The following ELFN1 variants were observed in gnomAD, a reference collection of about 807,000 sequenced individuals.
The protein encoded by ELFN1 is extracellular leucine rich repeat and fibronectin type III domain containing 1.
In ELFN1, 6 loss-of-function variants were observed where a neutral mutation model predicts 7.6. That is an observed-to-expected ratio of 0.79 (90% CI 0.43 to 1.56). The LOEUF is 1.56. Among genes scored for constraint, ELFN1 ranks in the 40% most tolerant of loss-of-function variants. The pLI is 0.01. For missense variants in ELFN1, 1,169 were observed against 1,232.2 expected (o/e 0.95, Z 0.77); for synonymous variants, 657 against 588.1 (o/e 1.12, Z -1.70).
At chr7:1,741,013 C>T (rs1346202088) in intron 3 of ELFN1, among the ~76,000 whole-genome samples, 1 of 151,910 alleles carries the variant, frequency 6.6e-6, no homozygotes, top group Non-Finnish European at 1.5e-5. Flanking sequence ...GCCTATAATC[C>T]CAGCTACTTG....
chr7:1,671,958 T>G (rs62435468), intron 1 of ELFN1, among the ~76,000 whole-genome samples: 18,662 of 152,054 alleles, frequency 0.12, 1,171 homozygotes, highest in African/African-American at 0.14. Flanking sequence ...GGAGTTCTGA[T>G]CCCCACCCCT....
chr7:1,702,552 A>C (rs760466090), intron 2 of ELFN1, among the ~76,000 whole-genome samples: 4 of 151,268 alleles, frequency 2.6e-5, no homozygotes, highest in Non-Finnish European at 4.4e-5. Context: ...AAAAGAAAAA[A>C]AATGGATTGT....
chr7:1,667,134 C>A (rs1047871201), upstream of ELFN1, among the ~76,000 whole-genome samples: 2 of 151,876 alleles, frequency 1.3e-5, no homozygotes, highest in Non-Finnish European at 2.9e-5. The surrounding 1 kb of genome is among the most constrained non-coding windows in gnomAD (Gnocchi z 8.2). Flanking sequence ...TCGGCCCCCC[C>A]CCGAACTTTT....
rs752201025 is a variant in ELFN1 at position 1,745,673 on chromosome 7, G to C, written c.1077G>C (p.Leu359=). 9.0e-6 allele frequency: 14 copies of C among 1,551,330 alleles called. No individual in the cohort carries two copies. The South Asian group carries it at 1.7e-4, about 18-fold the overall frequency. ...GCAAGGCCTCCACCGTGTCCAGGCT[G>C]ACCAAGGCCCAGGAGGAGATCCGTC... ...NNSKASTVSR[L]TKAQEEIRLT... Residue 359 remains leucine (L), a synonymous_variant, in exon 4 of 4, where the codon CTG becomes CTC. Coordinates refer to ENST00000424383, the MANE Select transcript of ELFN1 (RefSeq NM_001128636.4).
chr7:1,685,270 T>G (rs889130532), intron 1 of ELFN1, among the ~76,000 whole-genome samples: 1 of 152,236 alleles, frequency 6.6e-6, no homozygotes. Context: ...TTGGCTATGA[T>G]GTGTCCAGGT....
chr7:1,698,357 C>G (rs567242359), intron 2 of ELFN1, among the ~76,000 whole-genome samples: 24 of 152,364 alleles, frequency 1.6e-4, no homozygotes, highest in African/African-American at 5.8e-4. Context: ...ACCCTCGGTG[C>G]TCCCTCTGAC....
In ELFN1 at chr7:1,744,348, C is replaced by T. The variant is rs1780714217; in HGVS notation, c.-249C>T. 6.2e-6 allele frequency: 3 copies of T among 485,252 alleles called. No homozygotes were observed. In the South Asian group the frequency reaches 1.1e-4, roughly 17 times the overall value. The allele number at this position is 485,252 out of a possible 1,614,324, so 30.1% of individuals were successfully genotyped here. On this transcript the variant is annotated 5_prime_UTR_variant, in exon 4 of 4. Coordinates refer to ENST00000424383, the MANE Select transcript of ELFN1 (RefSeq NM_001128636.4). ...GGAGTCAGTGGAGCCATCAGGACACCCAGGCCCATGGGGCAGGAGGCCTCG... is the reference window on the plus strand; with the variant it reads ...GGAGTCAGTGGAGCCATCAGGACACTCAGGCCCATGGGGCAGGAGGCCTCG...
At chr7:1,726,607 C>T (rs944028359) in intron 3 of ELFN1, among the ~76,000 whole-genome samples, 2 of 152,194 alleles carry the variant, frequency 1.3e-5, no homozygotes, top group Non-Finnish European at 2.9e-5. Context: ...GCCAGCCACT[C>T]GCTTCTAGCC....
intron 1 of ELFN1, among the ~76,000 whole-genome samples, chr7:1,675,585 G>A (rs1165389395): frequency 2.0e-5 from 3 of 152,194 alleles, no homozygotes; most frequent in Admixed American, 6.5e-5. Flanking sequence ...CCATGTGCCC[G>A]CCCCACATGG....
chr7:1,711,189 G>C (rs1365598075), intron 3 of ELFN1, among the ~76,000 whole-genome samples: 3 of 152,220 alleles, frequency 2.0e-5, no homozygotes, highest in African/African-American at 7.2e-5. Context: ...CCCTTCCCCT[G>C]GGAATATGTG....
chr7:1,727,437 G>T lies in ELFN1; in HGVS notation c.-293-16867G>T, dbSNP rs115392309. On this transcript the variant is annotated intron_variant, in intron 3 of 3. Coordinates refer to ENST00000424383, the MANE Select transcript of ELFN1 (RefSeq NM_001128636.4). The stretch of plus-strand genomic sequence containing the variant: ...CCCTTTTCTCTTTTCCATGAGAGGG[G>T]CAGGGAAAGGAACTAAGTCTTGGGA... Among the ~76,000 whole-genome samples the T allele has an allele frequency of 3.3e-5, 5 of 152,242 alleles. No homozygotes were observed. In the East Asian group the frequency reaches 9.7e-4, roughly 29 times the overall value.
At chr7:1,692,441 G>A (rs1779187792) in intron 2 of ELFN1, 1 of 152,420 alleles carries the variant, frequency 6.6e-6, no homozygotes, top group African/African-American at 2.4e-5. Flanking sequence ...CCTTGCAACA[G>A]GCAGAGTAGA....
chr7:1,698,447 G>A (rs1779362488), intron 2 of ELFN1, among the ~76,000 whole-genome samples: 1 of 152,194 alleles, frequency 6.6e-6, no homozygotes, highest in African/African-American at 2.4e-5. Context: ...TGGGGCGAGG[G>A]GGCCTGGCCA....
intron 3 of ELFN1, among the ~76,000 whole-genome samples, chr7:1,711,575 TGAGAGA>T (rs55658122): frequency 0.11 from 9,774 of 87,722 alleles, 266 homozygotes; most frequent in Admixed American, 0.13. Context: ...AGCGAGAGAG[TGAGAGA>T]GAGAGAGAGA....
intron 1 of ELFN1, among the ~76,000 whole-genome samples, chr7:1,682,123 A>G (rs1393542339): frequency 2.6e-5 from 4 of 152,132 alleles, no homozygotes; most frequent in Non-Finnish European, 5.9e-5. Context: ...ATAAAGTCCA[A>G]TTTATCATTT....
In ELFN1 at chr7:1,746,973, T is replaced by C; in HGVS notation, c.2377T>C (p.Phe793Leu). ...SRRRHKEEEEFMAAGHALRKK... is the reference protein window; with the variant it reads ...SRRRHKEEEELMAAGHALRKK... The stretch of plus-strand genomic sequence containing the variant: ...CCGGCGGCACAAGGAGGAAGAGGAG[T>C]TCATGGCCGCGGGCCATGCCCTGCG... Residue 793 changes from phenylalanine to leucine, a missense_variant, in exon 4 of 4, where the codon TTC (phenylalanine) becomes CTC (leucine). This residue lies in a region of ELFN1 where 914 missense variants were observed against 872.6 expected (regional missense o/e 1.05). Transcript: ENST00000424383. The C allele has an allele frequency of 6.4e-7, 1 of 1,554,264 alleles. No homozygotes were observed. Among genetic ancestry groups the C allele is most frequent in the Non-Finnish European group, 8.7e-7 (1 of 1,150,112 alleles).
chr7:1,673,086 C>G lies in ELFN1; in HGVS notation c.-549+2732C>G, dbSNP rs1189168763. On this transcript the variant is annotated intron_variant, in intron 1 of 3. Transcript: ENST00000424383. This position sits in a 1 kb window ranked among gnomAD's most constrained non-coding sequence, Gnocchi z 4.7. ...GGATACATTTGTCATCTCTCCAGCG[C>G]CCCCCCCCGCTCTTTCCTTTTTGTT... is the stretch of plus-strand genomic sequence containing the variant. Among the ~76,000 whole-genome samples the G allele has an allele frequency of 4.5e-5, 4 of 89,226 alleles. No individual in the cohort carries two copies. Among genetic ancestry groups the G allele is most frequent in the Non-Finnish European group, 2.0e-5 (1 of 49,960 alleles). 58.5% of individuals were successfully genotyped at this position (89,226 alleles called of 152,430 possible).
intron 3 of ELFN1, chr7:1,742,386 C>G (rs1780649717): frequency 6.6e-6 from 1 of 152,522 alleles, no homozygotes; most frequent in Non-Finnish European, 1.5e-5. Context: ...GCACGCGCCT[C>G]TGCCTGAGAC....
At chr7:1,683,316 GT>G (rs1311870013) in intron 1 of ELFN1, among the ~76,000 whole-genome samples, 3 of 151,960 alleles carry the variant, frequency 2.0e-5, no homozygotes, top group Admixed American at 1.3e-4. Context: ...TTTTTAACTT[GT>G]TATGTCTTAG....
Sources: gnomAD v4.1 joint callset for allele counts (sites outside exome capture counted in the v4.1 genomes callset) on GRCh38, gnomAD v4.1.1 for gene constraint, gnomAD v4.1.1 regional missense constraint, Gnocchi (gnomAD v3.1) non-coding constraint, MANE v1.5 for transcripts, NCBI Gene and HGNC (gene_info 2026-07-23, HGNC 2026-07-21) for gene names.